The following TEDC1 variants were observed in gnomAD, a reference collection of about 807,000 sequenced individuals.
TEDC1 encodes the protein tubulin epsilon and delta complex protein 1.
A neutral mutation model predicts 59.9 loss-of-function variants in TEDC1; 54 were observed. The ratio of observed to expected loss-of-function variants is 0.90; its 90% CI spans 0.72 to 1.13. The LOEUF is 1.13. Ranked by LOEUF, TEDC1 falls within the 50% of genes most tolerant of loss-of-function variation. The pLI, the probability that TEDC1 is intolerant of heterozygous loss-of-function variation, is 0.00. For missense variants in TEDC1, 734 were observed against 683.4 expected (o/e 1.07, Z -0.83); for synonymous variants, 353 against 298.1 (o/e 1.18, Z -1.90).
chr14:105,497,367 C>G lies in TEDC1; in HGVS notation c.902C>G (p.Thr301Ser). 4 of 1,551,100 alleles carry G rather than the reference C, an allele frequency of 2.6e-6. No homozygotes were observed. The highest frequency in any genetic ancestry group is 3.5e-6 in the Non-Finnish European group (4 of 1,147,688). Residue 301 changes from threonine to serine, a missense_variant, in exon 7 of 9, where the codon ACT (threonine) becomes AGT (serine). Coordinates refer to ENST00000392523, the MANE Select transcript of TEDC1 (RefSeq NM_001367178.1). ...CCGTTTGCCTTCCAGCTGCTGCGGA[C>G]TCTGGAGCGTGAGAACCAGCGCCTG... ...LLSPFRALLR[T>S]LERENQRLEA...
intron 6 of TEDC1, 23 bp downstream of exon 6, chr14:105,496,109 GAAGT>G: frequency 2.3e-6 from 3 of 1,324,914 alleles, no homozygotes; most frequent in South Asian, 1.3e-5. Flanking sequence ...GGCTGGCAGG[GAAGT>G]GGAGACCGCA....
At chr14:105,492,429 GT>G in intron 3 of TEDC1, 120 bp downstream of exon 3, 1 of 1,501,392 alleles carries the variant, frequency 6.7e-7, no homozygotes, top group Non-Finnish European at 8.9e-7. Context: ...CCCATGAAGG[GT>G]TACCCAGCTG....
intron 5 of TEDC1, chr14:105,495,510 C>T (rs1364797936): frequency 4.7e-5 from 11 of 234,170 alleles, no homozygotes; most frequent in Non-Finnish European, 7.6e-5. Flanking sequence ...CAGGGCCCAA[C>T]CCCTGACGCC....
intron 5 of TEDC1, 88 bp downstream of exon 5, chr14:105,494,021 C>CGGGGGGGG: frequency 4.9e-5 from 14 of 283,002 alleles, no homozygotes; most frequent in East Asian, 2.0e-4. Flanking sequence ...GGCCTGGGGG[C>CGGGGGGGG]GGGGCAGCTC....
intron 5 of TEDC1, 86 bp from the exon 6 acceptor site, chr14:105,495,794 G>A (rs587661817): frequency 3.6e-6 from 4 of 1,112,330 alleles, no homozygotes; most frequent in Admixed American, 2.4e-5. Context: ...GGCTGGGGGG[G>A]CCTGGAAGTG....
Position 105,498,765 on chromosome 14 carries a change from G to A in TEDC1, c.1307G>A (p.Arg436Gln), listed in dbSNP as rs34137879. ...CATGGGCCACACCGGCTGGTGAGAC[G>A]AGAGGATGGGGCAGCAGGGGACCGG... Reference protein sequence around the residue: ...QPHGPHRLVRREDGAAGDRDL... With the variant: ...QPHGPHRLVRQEDGAAGDRDL... Residue 436 changes from arginine to glutamine, a missense_variant, in exon 9 of 9, where the codon CGA becomes CAA. By Grantham distance (43) the Arg-to-Gln change is conservative. Transcript: ENST00000392523. 54,872 of 1,565,768 alleles carry A rather than the reference G, an allele frequency of 0.035. 1,118 individuals carry two copies. Among genetic ancestry groups the A allele is most frequent in the Non-Finnish European group, 0.04 (46,209 of 1,156,014 alleles).
chr14:105,497,508 C>T lies in TEDC1; in HGVS notation c.978+65C>T, dbSNP rs587656406. On this transcript the variant is annotated intron_variant, in intron 7 of 8. Coordinates refer to ENST00000392523, the MANE Select transcript of TEDC1 (RefSeq NM_001367178.1). ...CACAGCAGCCCCCAGGTGGGGCATTCGGGATCTTCCTGTTTTCCAGACAGG... is the reference window on the plus strand; with the variant it reads ...CACAGCAGCCCCCAGGTGGGGCATTTGGGATCTTCCTGTTTTCCAGACAGG... 3.8e-4 allele frequency: 573 copies of T among 1,503,616 alleles called. 1 individual carries two copies. The highest frequency in any genetic ancestry group is 3.6e-3 in the Middle Eastern group (21 of 5,862). The allele number at this position is 1,503,616 out of a possible 1,614,324, so 93.1% of individuals were successfully genotyped here. A position where few individuals can be genotyped will look rare whatever the true frequency, so the allele number is the denominator to read the frequency against.
chr14:105,491,335 C>T lies in TEDC1; in HGVS notation c.-41C>T, dbSNP rs1555439190. The T allele has an allele frequency of 1.9e-5, 28 of 1,462,490 alleles. 1 individual carries two copies. In the Middle Eastern group the frequency reaches 7.3e-4, roughly 38 times the overall value. The allele number at this position is 1,462,490 out of a possible 1,614,324, so 90.6% of individuals were successfully genotyped here. A position where few individuals can be genotyped will look rare whatever the true frequency, so the allele number is the denominator to read the frequency against. On this transcript the variant is annotated 5_prime_UTR_variant, in exon 1 of 9. Transcript: ENST00000392523. Reference sequence around the variant, plus strand: ...GTGATTGGACGCAGGCCCCGGGCCGCGGCGGAGGCGGGCGATCCGAAAGAG... The same window carrying T: ...GTGATTGGACGCAGGCCCCGGGCCGTGGCGGAGGCGGGCGATCCGAAAGAG...
Position 105,496,087 on chromosome 14 carries a change from G to GT in TEDC1, c.891+2dup, listed in dbSNP as rs1310883840. The GT allele has an allele frequency of 2.3e-5, 35 of 1,533,814 alleles. No homozygotes were observed. Among genetic ancestry groups the GT allele is most frequent in the Non-Finnish European group, 2.6e-5 (30 of 1,140,008 alleles). On this transcript the variant is annotated splice_donor_variant, in intron 6 of 8. Transcript: ENST00000392523. LOFTEE classifies it high-confidence loss of function. ...CAGCCTGCTCTCCCCTTTTAGGGCGGTAAGTCGGGGAGGCTGGCAGGGAAG... is the reference window on the plus strand; with the variant it reads ...CAGCCTGCTCTCCCCTTTTAGGGCGGTTAAGTCGGGGAGGCTGGCAGGGAAG...
intron 6 of TEDC1, 36 bp from the exon 7 acceptor site, chr14:105,497,321 T>C: frequency 6.5e-7 from 1 of 1,539,966 alleles, no homozygotes; most frequent in Non-Finnish European, 8.8e-7. Context: ...TGGGGTCCCG[T>C]GTGAGGTTCT....
In TEDC1 at chr14:105,497,273, C is replaced by T. The variant is rs587664507; in HGVS notation, c.892-84C>T. 1.1e-4 allele frequency: 143 copies of T among 1,339,384 alleles called. No individual in the cohort carries two copies. The East Asian group carries it at 1.3e-3, about 13-fold the overall frequency. 83.0% of individuals were successfully genotyped at this position (1,339,384 alleles called of 1,614,324 possible). On this transcript the variant is annotated intron_variant, in intron 6 of 8. Coordinates refer to ENST00000392523, the MANE Select transcript of TEDC1 (RefSeq NM_001367178.1). ...GTGAGCTAGGCGTTGGGCCGGGTGT[C>T]GGCGCTGGGTCCAGCTGTCCATCCG...
At chr14:105,490,195 G>A (rs2084177377), upstream of TEDC1, 1 of 151,832 alleles carries the variant, frequency 6.6e-6, no homozygotes, top group Admixed American at 6.5e-5. Context: ...CGGGAGGGCC[G>A]CCTGGAAGAG....
In TEDC1 at chr14:105,491,332, C is replaced by T; in HGVS notation, c.-44C>T. The T allele has an allele frequency of 1.4e-6, 2 of 1,465,334 alleles. No homozygotes were observed. Among genetic ancestry groups the T allele is most frequent in the African/African-American group, 1.4e-5 (1 of 70,990 alleles). 90.8% of individuals were successfully genotyped at this position (1,465,334 alleles called of 1,614,324 possible). A position where few individuals can be genotyped will look rare whatever the true frequency, so the allele number is the denominator to read the frequency against. On this transcript the variant is annotated 5_prime_UTR_variant, in exon 1 of 9. Transcript: ENST00000392523. ...GCGGTGATTGGACGCAGGCCCCGGG[C>T]CGCGGCGGAGGCGGGCGATCCGAAA... is the stretch of plus-strand genomic sequence containing the variant.
rs1175686672 is a variant in TEDC1, at chr14:105,497,811, G to A, written c.992G>A (p.Gly331Asp). ...GGGTCTCTGTAGGACACGGTCCTGG[G>A]CACCTGTGCCCCGGAGGTGCCTGCT... ...VFWRWMDTVL[G>D]TCAPEVPAAA... The change falls in exon 8 of 9, where the codon GGC (glycine) becomes GAC (aspartate). Residue 331 changes from glycine (G) to aspartate (D), a missense_variant. By Grantham distance (94) the Gly-to-Asp change is moderately conservative. Transcript: ENST00000392523. The A allele has an allele frequency of 1.3e-6, 2 of 1,567,798 alleles. No individual in the cohort carries two copies. The highest frequency in any genetic ancestry group is 1.2e-5 in the South Asian group (1 of 84,632).
chr14:105,491,141 A>G (rs1595468250), upstream of TEDC1: 1 of 1,550,342 alleles, frequency 6.5e-7, no homozygotes. Flanking sequence ...AGGTCTCGGG[A>G]GCGCGGTGAT....
intron 5 of TEDC1, chr14:105,494,393 A>C: frequency 5.0e-6 from 1 of 201,106 alleles, no homozygotes; most frequent in Non-Finnish European, 1.0e-5. Flanking sequence ...GCCCTTCAGA[A>C]CCCAAGGCCA....
At chr14:105,491,944 CT>C (rs1265668468) in intron 2 of TEDC1, among the ~76,000 whole-genome samples, 162 bp from the exon 3 acceptor site, 5 of 152,270 alleles carry the variant, frequency 3.3e-5, no homozygotes, top group Non-Finnish European at 7.3e-5. Context: ...CTGTTGGCCC[CT>C]GGTCTCCTCA....
At position 105,498,763 on chromosome 14, in the gene TEDC1, A is replaced by T. The variant is rs2084404884; in HGVS notation, c.1305A>T (p.Arg435Ser). The T allele has an allele frequency of 6.4e-7, 1 of 1,564,056 alleles. No individual in the cohort carries two copies. Among genetic ancestry groups the T allele is most frequent in the Non-Finnish European group, 8.7e-7 (1 of 1,154,984 alleles). The change falls in exon 9 of 9, where the codon AGA (arginine) becomes AGT (serine). Residue 435 changes from arginine to serine, a missense_variant. Arg to Ser is a moderately radical substitution (Grantham distance 110). Coordinates refer to ENST00000392523, the MANE Select transcript of TEDC1 (RefSeq NM_001367178.1). ...AQPHGPHRLV[R>S]REDGAAGDRD... The stretch of plus-strand genomic sequence containing the variant: ...CCCATGGGCCACACCGGCTGGTGAG[A>T]CGAGAGGATGGGGCAGCAGGGGACC...
Position 105,497,399 on chromosome 14 carries a change from G to T in TEDC1, c.934G>T (p.Val312Phe). Residue 312 changes from valine (V) to phenylalanine (F), a missense_variant, in exon 7 of 9, where the codon GTC becomes TTC. Coordinates refer to ENST00000392523, the MANE Select transcript of TEDC1 (RefSeq NM_001367178.1). ...LERENQRLEA[V>F]LAWRRSELVF... ...GCGTGAGAACCAGCGCCTGGAGGCT[G>T]TCCTGGCGTGGCGGCGCTCTGAGCT... 2 of 1,552,934 alleles carry T rather than the reference G, an allele frequency of 1.3e-6. No individual in the cohort carries two copies. Among genetic ancestry groups the T allele is most frequent in the Non-Finnish European group, 8.7e-7 (1 of 1,149,298 alleles).
Sources: gnomAD v4.1 joint callset for allele counts (sites outside exome capture counted in the v4.1 genomes callset) on GRCh38, gnomAD v4.1.1 for gene constraint, MANE v1.5 for transcripts, NCBI Gene and HGNC (gene_info 2026-07-23, HGNC 2026-07-21) for gene names.